SLC33A1: variants seen among roughly 807,000 people sequenced by gnomAD.
The protein encoded by SLC33A1 is solute carrier family 33 member 1.
In SLC33A1, 20 loss-of-function variants were observed where a neutral mutation model predicts 50.0. The observed-to-expected ratio is 0.40, with a 90% CI of 0.28 to 0.58. SLC33A1 has a LOEUF of 0.58. SLC33A1 is among the 20% of genes least tolerant of loss of function. SLC33A1 has a pLI of 0.44. For missense variants in SLC33A1, 476 were observed against 657.0 expected, an observed-to-expected ratio of 0.72 and a Z score of 3.01; for synonymous variants, 265 against 251.8, an observed-to-expected ratio of 1.05 and a Z score of -0.50.
chr3:155,850,942 T>C (rs1472961449), intron 1 of SLC33A1, among the ~76,000 whole-genome samples: 2 of 151,448 alleles, frequency 1.3e-5, no homozygotes, highest in Non-Finnish European at 2.9e-5. Context: ...AATTTTATTT[T>C]TAATTAATTA....
intron 4 of SLC33A1, among the ~76,000 whole-genome samples, chr3:155,831,457 C>CAAGAA (rs1752430674): frequency 2.1e-5 from 1 of 46,682 alleles, no homozygotes; most frequent in South Asian, 1.6e-3. Flanking sequence ...GACTCTGTCT[C>CAAGAA]AAAAAAAAAA....
At chr3:155,846,041 A>G (rs1207893061) in intron 1 of SLC33A1, among the ~76,000 whole-genome samples, 1 of 152,238 alleles carries the variant, frequency 6.6e-6, no homozygotes, top group Non-Finnish European at 1.5e-5. Flanking sequence ...AATATTCTGA[A>G]GTGGCTGCAA....
At chr3:155,833,765 T>C (rs1327827890) in intron 3 of SLC33A1, 92 bp downstream of exon 3, 3 of 1,099,964 alleles carry the variant, frequency 2.7e-6, no homozygotes, top group Non-Finnish European at 4.1e-6. Flanking sequence ...TCTTTTTCCA[T>C]ATATATAATT....
intron 2 of SLC33A1, among the ~76,000 whole-genome samples, chr3:155,839,181 A>G (rs6441016): frequency 0.098 from 14,835 of 151,304 alleles, 2,203 homozygotes; most frequent in African/African-American, 0.32. Flanking sequence ...GCATGCCTGT[A>G]GTCCCAGCTA....
rs1229451269 is a variant in SLC33A1, at chr3:155,827,988, G to C, written c.*222C>G. On this transcript the variant is annotated 3_prime_UTR_variant, in exon 6 of 6. Transcript: ENST00000643144. Reference sequence around the variant, plus strand: ...TAACAAGGCCAGAAAAGTTGTTTTAGAATTTCCTGACCTTAAGTAAACTTT... The same window carrying C: ...TAACAAGGCCAGAAAAGTTGTTTTACAATTTCCTGACCTTAAGTAAACTTT... 2.1e-6 allele frequency: 1 copy of C among 478,234 alleles called. No homozygotes were observed. Among genetic ancestry groups the C allele is most frequent in the Non-Finnish European group, 3.8e-6 (1 of 266,398 alleles). 29.6% of individuals were successfully genotyped at this position (478,234 alleles called of 1,614,324 possible). A position where few individuals can be genotyped will look rare whatever the true frequency, so the allele number is the denominator to read the frequency against.
At position 155,853,794 on chromosome 3, in the gene SLC33A1, G is replaced by A. The variant is rs776798768; in HGVS notation, c.204C>T (p.Phe68=). Reference sequence around the variant, plus strand: ...GCAAAATGCTGCTTAGTTCGGCCCGGAAGCTCTGTGGGGCTTTTAAGAAGT... The same window carrying A: ...GCAAAATGCTGCTTAGTTCGGCCCGAAAGCTCTGTGGGGCTTTTAAGAAGT... ...TGDFLKAPQS[F]RAELSSILLL... is the part of the protein sequence containing the mutation. The change falls in exon 1 of 6, where the codon TTC becomes TTT. Residue 68 remains phenylalanine, a synonymous_variant. Coordinates refer to ENST00000643144, the MANE Select transcript of SLC33A1 (RefSeq NM_004733.4). The A allele has an allele frequency of 2.5e-6, 4 of 1,613,270 alleles. No homozygotes were observed. Among genetic ancestry groups the A allele is most frequent in the African/African-American group, 1.3e-5 (1 of 74,892 alleles).
chr3:155,839,235 G>T (rs981919804), intron 2 of SLC33A1, among the ~76,000 whole-genome samples: 2 of 145,772 alleles, frequency 1.4e-5, no homozygotes, highest in African/African-American at 5.0e-5. Context: ...CCAGGAGGCA[G>T]AGGATGCAGT....
intron 2 of SLC33A1, among the ~76,000 whole-genome samples, chr3:155,841,100 C>T (rs2107976436): frequency 6.6e-6 from 1 of 151,590 alleles, no homozygotes; most frequent in African/African-American, 2.4e-5. Context: ...ACCCCTGGCT[C>T]TGTTGCCCAG....
chr3:155,823,974 A>G lies in SLC33A1; in HGVS notation c.*4236T>C, dbSNP rs988307360. On this transcript the variant is annotated 3_prime_UTR_variant, in exon 6 of 6. Coordinates refer to ENST00000643144, the MANE Select transcript of SLC33A1 (RefSeq NM_004733.4). ...AGTGATCCACCCACCTCGGCCTCCCAAAGGGTTGGGATTACAGGCGTGAGC... is the reference window on the plus strand; with the variant it reads ...AGTGATCCACCCACCTCGGCCTCCCGAAGGGTTGGGATTACAGGCGTGAGC... The G allele has an allele frequency of 6.6e-6, 1 of 152,108 alleles. No homozygotes were observed. The highest frequency in any genetic ancestry group is 6.6e-5 in the Admixed American group (1 of 15,262). 9.4% of individuals were successfully genotyped at this position (152,108 alleles called of 1,614,324 possible).
chr3:155,833,976 T>A lies in SLC33A1; in HGVS notation c.1029A>T (p.Glu343Asp). The change falls in exon 3 of 6, where the codon GAA becomes GAT. Residue 343 changes from glutamate to aspartate, a missense_variant. Glu to Asp is a conservative substitution (Grantham distance 45). Transcript: ENST00000643144. Reference sequence around the variant, plus strand: ...TTGGAACTGCCAATAAGGCTAAATGTTCTTTGGGTACTCCCTCTTCTACCA... The same window carrying A: ...TTGGAACTGCCAATAAGGCTAAATGATCTTTGGGTACTCCCTCTTCTACCA... ...LKLVEEGVPK[E>D]HLALLAVPMV... is the part of the protein sequence containing the mutation. 1 of 1,613,962 alleles carries A rather than the reference T, an allele frequency of 6.2e-7. No homozygotes were observed. The highest frequency in any genetic ancestry group is 8.5e-7 in the Non-Finnish European group (1 of 1,179,870).
chr3:155,847,673 G>A (rs1407281641), intron 1 of SLC33A1, among the ~76,000 whole-genome samples: 2 of 151,458 alleles, frequency 1.3e-5, no homozygotes, highest in East Asian at 2.0e-4. Context: ...GCTTGAACCT[G>A]GGAGGCAGAA....
At chr3:155,832,078 C>CA (rs1001861902) in intron 4 of SLC33A1, among the ~76,000 whole-genome samples, 22 of 152,262 alleles carry the variant, frequency 1.4e-4, no homozygotes, top group African/African-American at 4.3e-4. Context: ...GCATCCAGAA[C>CA]AAAAAAATCT....
intron 5 of SLC33A1, among the ~76,000 whole-genome samples, chr3:155,828,650 T>C (rs539528184): frequency 3.3e-5 from 5 of 152,098 alleles, no homozygotes; most frequent in African/African-American, 4.8e-5. Flanking sequence ...AATGCAGTGG[T>C]GTGATAATGG....
chr3:155,840,703 ACTTGGG>A (rs1381829703), intron 2 of SLC33A1, among the ~76,000 whole-genome samples: 1 of 152,120 alleles, frequency 6.6e-6, no homozygotes, highest in African/African-American at 2.4e-5. Flanking sequence ...AATCCCAGCT[ACTTGGG>A]AGGCTGAGGC....
At chr3:155,836,925 A>G (rs1014580221) in intron 2 of SLC33A1, among the ~76,000 whole-genome samples, 1 of 152,082 alleles carries the variant, frequency 6.6e-6, no homozygotes, top group Admixed American at 6.6e-5. Context: ...AACTTTACAA[A>G]TTTAAAGAAA....
At chr3:155,830,371 T>C (rs1174451400) in intron 4 of SLC33A1, among the ~76,000 whole-genome samples, 1 of 150,712 alleles carries the variant, frequency 6.6e-6, no homozygotes, top group African/African-American at 2.4e-5. Context: ...AGACTCAGTC[T>C]CAAAAAAAAT....
chr3:155,821,511 G>A lies in SLC33A1; in HGVS notation c.*6699C>T, dbSNP rs1752088447. On this transcript the variant is annotated 3_prime_UTR_variant, in exon 6 of 6. Transcript: ENST00000643144. ...AGACAGAGTTTCGCTCTTGCACCCAGGCTGGAGTGCGATGGTGCGATCTCG... is the reference window on the plus strand; with the variant it reads ...AGACAGAGTTTCGCTCTTGCACCCAAGCTGGAGTGCGATGGTGCGATCTCG... 1.3e-5 allele frequency: 2 copies of A among 152,028 alleles called. No individual in the cohort carries two copies. The highest frequency in any genetic ancestry group is 2.9e-5 in the Non-Finnish European group (2 of 68,058). 9.4% of individuals were successfully genotyped at this position (152,028 alleles called of 1,614,324 possible).
In SLC33A1 at chr3:155,853,981, G is replaced by T; in HGVS notation, c.17C>A (p.Ser6Tyr). Residue 6 changes from serine to tyrosine, a missense_variant, in exon 1 of 6, where the codon TCC becomes TAC. Coordinates refer to ENST00000643144, the MANE Select transcript of SLC33A1 (RefSeq NM_004733.4). The part of the protein sequence containing the change: MSPTI[S>Y]HKDSSRQRRP... ...CCGTTGCCGGCTGCTGTCCTTGTGG[G>T]AGATGGTGGGTGACATATCAGAGAC... The T allele has an allele frequency of 6.5e-7, 1 of 1,545,798 alleles. No individual in the cohort carries two copies. The highest frequency in any genetic ancestry group is 1.3e-5 in the South Asian group (1 of 78,538).
Position 155,853,859 on chromosome 3 carries a change from C to A in SLC33A1, c.139G>T (p.Gly47Trp). 6.3e-7 allele frequency: 1 copy of A among 1,584,528 alleles called. No homozygotes were observed. Among genetic ancestry groups the A allele is most frequent in the Non-Finnish European group, 8.6e-7 (1 of 1,165,102 alleles). ...DSHLDSAGRE[G>W]DREALLGDTG... ...TCCCCCAGAAGAGCTTCTCTGTCCC[C>A]TTCCCGGCCCGCTGAGTCCAAATGA... is the stretch of plus-strand genomic sequence containing the variant. The change falls in exon 1 of 6, where the codon GGG becomes TGG. Residue 47 changes from glycine to tryptophan, a missense_variant. Coordinates refer to ENST00000643144, the MANE Select transcript of SLC33A1 (RefSeq NM_004733.4).
Sources: gnomAD v4.1 joint callset for allele counts (sites outside exome capture counted in the v4.1 genomes callset) on GRCh38, gnomAD v4.1.1 for gene constraint, MANE v1.5 for transcripts, NCBI Gene and HGNC (gene_info 2026-07-23, HGNC 2026-07-21) for gene names.